Variants in RNF150 observed in about 807,000 individuals in gnomAD.
RNF150 encodes the protein ring finger protein 150.
Under a neutral mutation model 39.3 loss-of-function variants are expected in RNF150, and 24 were observed. That is an observed-to-expected ratio of 0.61 (90% CI 0.44 to 0.86). The LOEUF is 0.86. Ranked by LOEUF, RNF150 falls within the 40% of genes least tolerant of loss-of-function variation. The pLI, the probability that RNF150 is intolerant of heterozygous loss-of-function variation, is 0.00. For missense variants in RNF150, 502 were observed against 587.8 expected (o/e 0.85, Z 1.51); for synonymous variants, 255 against 227.3 (o/e 1.12, Z -1.10).
At chr4:141,053,679 A>G in intron 1 of RNF150, 1 of 1,403,578 alleles carries the variant, frequency 7.1e-7, no homozygotes, top group Non-Finnish European at 9.3e-7. Flanking sequence ...AGGAAAGGGA[A>G]TATGGGCATG....
intron 6 of RNF150, among the ~76,000 whole-genome samples, chr4:140,908,441 T>G (rs1730473203): frequency 6.6e-6 from 1 of 152,168 alleles, no homozygotes; most frequent in Admixed American, 6.5e-5. Flanking sequence ...ACTGAGAAAC[T>G]GATAGCCATA....
intron 1 of RNF150, among the ~76,000 whole-genome samples, chr4:141,158,739 C>T (rs1262226068): frequency 6.6e-6 from 1 of 152,098 alleles, no homozygotes; most frequent in South Asian, 2.1e-4. Context: ...ATCCCTACCC[C>T]GCCCCCACCA....
At chr4:140,925,088 G>A (rs1039098352) in intron 5 of RNF150, among the ~76,000 whole-genome samples, 2 of 152,234 alleles carry the variant, frequency 1.3e-5, no homozygotes, top group African/African-American at 4.8e-5. Context: ...TAGGCAGGTG[G>A]CAGCAAAGTG....
chr4:141,002,394 C>T (rs1734698360), intron 1 of RNF150, among the ~76,000 whole-genome samples: 1 of 152,134 alleles, frequency 6.6e-6, no homozygotes, highest in Non-Finnish European at 1.5e-5. Context: ...AACCCTTAAT[C>T]CATCTGCCTC....
chr4:140,881,197 G>C (rs1004134018), intron 6 of RNF150, among the ~76,000 whole-genome samples: 6 of 148,892 alleles, frequency 4.0e-5, no homozygotes, highest in Non-Finnish European at 7.4e-5. Flanking sequence ...AGGTCTAGCT[G>C]TATGGCACAG....
chr4:141,172,632 CT>C (rs1727748866), intron 1 of RNF150, among the ~76,000 whole-genome samples: 1 of 152,160 alleles, frequency 6.6e-6, no homozygotes, highest in Non-Finnish European at 1.5e-5. Flanking sequence ...ACCAAGTCAC[CT>C]AGCTGAACTT....
chr4:141,042,807 A>G (rs1205778732), intron 1 of RNF150, among the ~76,000 whole-genome samples: 1 of 151,960 alleles, frequency 6.6e-6, no homozygotes, highest in Non-Finnish European at 1.5e-5. Flanking sequence ...GGATGGGGTG[A>G]TATCTGTCTT....
chr4:141,126,921 A>G (rs548303876), intron 1 of RNF150, among the ~76,000 whole-genome samples: 119 of 152,294 alleles, frequency 7.8e-4, no homozygotes, highest in Non-Finnish European at 1.5e-3. Flanking sequence ...AGGCCCAAAC[A>G]TAAGGTCCCA....
intron 1 of RNF150, among the ~76,000 whole-genome samples, chr4:141,143,544 G>A (rs1401789464): frequency 3.3e-5 from 5 of 152,112 alleles, no homozygotes; most frequent in Non-Finnish European, 7.4e-5. Context: ...GAATACAGTA[G>A]TCTTCTAACT....
Position 140,867,456 on chromosome 4 carries a change from AG to A in RNF150, c.*804del, listed in dbSNP as rs1419659814. 1 of 152,230 alleles carries A rather than the reference AG, an allele frequency of 6.6e-6. No homozygotes were observed. Among genetic ancestry groups the A allele is most frequent in the Admixed American group, 6.5e-5 (1 of 15,288 alleles). 9.4% of individuals were successfully genotyped at this position (152,230 alleles called of 1,614,324 possible). ...CTTCTGAGTTCAGAATTTCAGCCAAAGACTGTAAGACCCAGAAGAATGAAAC... is the reference window on the plus strand; with the variant it reads ...CTTCTGAGTTCAGAATTTCAGCCAAAACTGTAAGACCCAGAAGAATGAAAC... On this transcript the variant is annotated 3_prime_UTR_variant, in exon 7 of 7. Coordinates refer to ENST00000515673, the MANE Select transcript of RNF150 (RefSeq NM_020724.2).
At chr4:141,075,229 A>C (rs1737851053) in intron 1 of RNF150, among the ~76,000 whole-genome samples, 1 of 152,236 alleles carries the variant, frequency 6.6e-6, no homozygotes, top group African/African-American at 2.4e-5. Context: ...GCAACTATTC[A>C]ACTCTGCACT....
intron 1 of RNF150, among the ~76,000 whole-genome samples, chr4:141,053,120 G>C (rs1408959268): frequency 6.6e-6 from 1 of 152,150 alleles, no homozygotes; most frequent in Non-Finnish European, 1.5e-5. Context: ...GTGCTGAAAA[G>C]TTACCACTTT....
intron 1 of RNF150, among the ~76,000 whole-genome samples, chr4:141,098,665 A>T (rs1348233377): frequency 6.6e-6 from 1 of 152,162 alleles, no homozygotes; most frequent in Non-Finnish European, 1.5e-5. Flanking sequence ...TCAACTCTAC[A>T]CACTTGCTGT....
intron 5 of RNF150, among the ~76,000 whole-genome samples, chr4:140,915,577 T>C (rs1730786731): frequency 6.6e-6 from 1 of 152,222 alleles, no homozygotes; most frequent in Admixed American, 6.5e-5. Context: ...TTATTCTTCA[T>C]GGAGGATGTT....
chr4:141,194,668 T>G (rs1432192239), intron 1 of RNF150, among the ~76,000 whole-genome samples: 2 of 152,178 alleles, frequency 1.3e-5, no homozygotes, highest in Non-Finnish European at 2.9e-5. Flanking sequence ...ACCAGGCCCA[T>G]AACCTCATAT....
chr4:141,055,002 T>G (rs1379282125), intron 1 of RNF150, among the ~76,000 whole-genome samples: 1 of 152,168 alleles, frequency 6.6e-6, no homozygotes, highest in African/African-American at 2.4e-5. Context: ...AATGTCAATG[T>G]TATTATTGAG....
At chr4:141,013,954 AC>A (rs1735167573) in intron 1 of RNF150, among the ~76,000 whole-genome samples, 1 of 152,054 alleles carries the variant, frequency 6.6e-6, no homozygotes, top group Non-Finnish European at 1.5e-5. Context: ...AAACCTTTGT[AC>A]CCTTTGATCA....
chr4:141,071,330 T>C (rs889460969), intron 1 of RNF150, among the ~76,000 whole-genome samples: 1 of 151,388 alleles, frequency 6.6e-6, no homozygotes, highest in Admixed American at 6.6e-5. Context: ...CATGTATACA[T>C]ATGTAACTAA....
At chr4:141,110,958 G>A (rs1739366040) in intron 1 of RNF150, among the ~76,000 whole-genome samples, 2 of 152,062 alleles carry the variant, frequency 1.3e-5, no homozygotes, top group African/African-American at 4.8e-5. Flanking sequence ...CAGTGATTTC[G>A]GCAATCTGAG....
Sources: gnomAD v4.1 joint callset for allele counts (sites outside exome capture counted in the v4.1 genomes callset) on GRCh38, gnomAD v4.1.1 for gene constraint, MANE v1.5 for transcripts, NCBI Gene and HGNC (gene_info 2026-07-23, HGNC 2026-07-21) for gene names.